The following DSE variants were observed in gnomAD, a reference collection of about 807,000 sequenced individuals.
DSE encodes dermatan sulfate epimerase.
In DSE, 36 loss-of-function variants were observed where a neutral mutation model predicts 84.4. That is an observed-to-expected ratio of 0.43 (90% CI 0.33 to 0.56). DSE has a LOEUF of 0.56. Among genes scored for constraint, DSE ranks in the 20% least tolerant of loss-of-function variants. The probability of loss-of-function intolerance (pLI) is 0.06; values close to 1 mark genes in which losing one functional copy is unlikely to be tolerated. For missense variants in DSE, 862 were observed against 1,169.6 expected (o/e 0.74, Z 3.84); for synonymous variants, 410 against 430.1 (o/e 0.95, Z 0.58).
chr6:116,298,962 A>G (rs1774830650), intron 2 of DSE, among the ~76,000 whole-genome samples: 1 of 152,166 alleles, frequency 6.6e-6, no homozygotes, highest in African/African-American at 2.4e-5. Context: ...ACCCGTAGGC[A>G]TTGTGTGCAT....
Position 116,442,651 on chromosome 6 carries a change from A to T in DSE, c.*5306A>T, listed in dbSNP as rs761429139. 2.0e-5 allele frequency: 3 copies of T among 152,130 alleles called. No individual in the cohort carries two copies. Among genetic ancestry groups the T allele is most frequent in the Admixed American group, 6.6e-5 (1 of 15,264 alleles). The allele number at this position is 152,130 out of a possible 1,614,324, so 9.4% of individuals were successfully genotyped here. A position where few individuals can be genotyped will look rare whatever the true frequency, so the allele number is the denominator to read the frequency against. On this transcript the variant is annotated 3_prime_UTR_variant, in exon 6 of 6. Coordinates refer to ENST00000644252, the MANE Select transcript of DSE (RefSeq NM_013352.4). ...GTGATGGAGAATGGGTGAAGATGAA[A>T]CTGAAAAGGCAAGCAGGGAGGCTAT... is the stretch of plus-strand genomic sequence containing the variant.
In DSE at chr6:116,371,058, C is replaced by T. The variant is rs1051416855; in HGVS notation, c.-117C>T. The T allele has an allele frequency of 1.6e-5, 16 of 985,878 alleles. No homozygotes were observed. Among genetic ancestry groups the T allele is most frequent in the African/African-American group, 1.7e-5 (1 of 57,202 alleles). The allele number at this position is 985,878 out of a possible 1,614,324, so 61.1% of individuals were successfully genotyped here. On this transcript the variant is annotated 5_prime_UTR_variant, in exon 1 of 6. Transcript: ENST00000644252. ...CCCGGGCGCCCTGGAGTGAGGAGGACCGGGAGCTGGCTCTGGAGGCTGCGG... is the reference window on the plus strand; with the variant it reads ...CCCGGGCGCCCTGGAGTGAGGAGGATCGGGAGCTGGCTCTGGAGGCTGCGG...
At chr6:116,352,239 A>G (rs1242091389) in intron 2 of DSE, among the ~76,000 whole-genome samples, 1 of 152,220 alleles carries the variant, frequency 6.6e-6, no homozygotes, top group Non-Finnish European at 1.5e-5. Context: ...TGTGTGAGCT[A>G]GTCAACTATT....
intron 2 of DSE, among the ~76,000 whole-genome samples, chr6:116,269,845 C>A (rs57785660): frequency 0.013 from 1,924 of 152,162 alleles, 46 homozygotes; most frequent in African/African-American, 0.044. Flanking sequence ...GTATTTCAAA[C>A]CAAGTTTGAC....
chr6:116,288,112 A>G (rs1774043444), intron 2 of DSE: 1 of 152,094 alleles, frequency 6.6e-6, no homozygotes, highest in Non-Finnish European at 1.5e-5. Flanking sequence ...CAAAGTCCCT[A>G]CGCAGTCATG....
chr6:116,278,370 G>C (rs544799930), intron 2 of DSE: 1 of 995,324 alleles, frequency 1.0e-6, no homozygotes, highest in Non-Finnish European at 1.5e-6. Flanking sequence ...TTGAGGTTGA[G>C]AGAACTGAAT....
chr6:116,410,088 G>T (rs542969280), intron 2 of DSE, among the ~76,000 whole-genome samples: 1 of 152,156 alleles, frequency 6.6e-6, no homozygotes, highest in African/African-American at 2.4e-5. Flanking sequence ...GCCACTGAAA[G>T]GTGTAACAGG....
chr6:116,424,005 A>G (rs984771757), intron 2 of DSE, among the ~76,000 whole-genome samples: 1 of 152,224 alleles, frequency 6.6e-6, no homozygotes, highest in Non-Finnish European at 1.5e-5. Flanking sequence ...ATTATATCAA[A>G]TGTTCTGGTT....
At chr6:116,356,458 C>T (rs1778575445) in intron 2 of DSE, among the ~76,000 whole-genome samples, 1 of 152,136 alleles carries the variant, frequency 6.6e-6, no homozygotes, top group Non-Finnish European at 1.5e-5. Flanking sequence ...TATTATAAGA[C>T]CTAATTTCAT....
chr6:116,435,715 C>A lies in DSE; in HGVS notation c.1247C>A (p.Ser416Tyr), dbSNP rs201214344. 1 of 1,614,112 alleles carries A rather than the reference C, an allele frequency of 6.2e-7. No homozygotes were observed. Among genetic ancestry groups the A allele is most frequent in the Admixed American group, 1.7e-5 (1 of 60,008 alleles). The stretch of plus-strand genomic sequence containing the variant: ...GCAGAAATCAATAGATCTTTCCTTT[C>A]CTTCAAGTCTGGAAAACTGGGGGGA... ...LPAEINRSFLSFKSGKLGGRA... is the reference protein window; with the variant it reads ...LPAEINRSFLYFKSGKLGGRA... The change falls in exon 6 of 6, where the codon TCC becomes TAC. Residue 416 changes from serine (S) to tyrosine (Y), a missense_variant. Coordinates refer to ENST00000644252, the MANE Select transcript of DSE (RefSeq NM_013352.4).
chr6:116,394,771 A>C (rs75568199), intron 1 of DSE, among the ~76,000 whole-genome samples: 1,826 of 152,326 alleles, frequency 0.012, 34 homozygotes, highest in African/African-American at 0.036. Context: ...AAAGTGGATC[A>C]TGAAAGTTGT....
chr6:116,339,721 G>A (rs1037240298), intron 2 of DSE, among the ~76,000 whole-genome samples: 4 of 152,190 alleles, frequency 2.6e-5, no homozygotes, highest in Admixed American at 6.5e-5. Flanking sequence ...TGAGTTTATA[G>A]TTGAGGAAGA....
chr6:116,392,408 G>A (rs983966312), intron 1 of DSE, among the ~76,000 whole-genome samples: 2 of 152,128 alleles, frequency 1.3e-5, no homozygotes, highest in African/African-American at 4.8e-5. Context: ...ATCTTGCCAT[G>A]GATATGGGCA....
intron 2 of DSE, among the ~76,000 whole-genome samples, chr6:116,424,490 A>G (rs1421868117): frequency 2.0e-5 from 3 of 152,236 alleles, no homozygotes; most frequent in Non-Finnish European, 4.4e-5. Flanking sequence ...TCCTGATTCC[A>G]TAATGATCAC....
At chr6:116,339,927 T>G (rs1298901946) in intron 2 of DSE, among the ~76,000 whole-genome samples, 1 of 152,246 alleles carries the variant, frequency 6.6e-6, no homozygotes, top group Admixed American at 6.5e-5. Flanking sequence ...TCTTTACTGA[T>G]GGACTATGAA....
rs1781474400 is a variant in DSE at position 116,399,610 on chromosome 6, T to C, written c.360T>C (p.Ile120=). The change falls in exon 2 of 6, where the codon ATT becomes ATC. Residue 120 remains isoleucine (I), a synonymous_variant. Transcript: ENST00000644252. ...AMFCVLYPEN[I]EARDMAKDYM... The stretch of plus-strand genomic sequence containing the variant: ...TCTGTGTGCTGTATCCTGAGAACAT[T>C]GAAGCCCGAGACATGGCCAAAGACT... 6.2e-7 allele frequency: 1 copy of C among 1,614,104 alleles called. No homozygotes were observed. The highest frequency in any genetic ancestry group is 1.3e-5 in the African/African-American group (1 of 74,946).
At chr6:116,292,141 C>T (rs1774321597) in intron 2 of DSE, among the ~76,000 whole-genome samples, 2 of 151,842 alleles carry the variant, frequency 1.3e-5, no homozygotes, top group South Asian at 2.1e-4. Context: ...TCAGAGTGGA[C>T]GAGAACACCA....
chr6:116,417,984 G>A (rs764647370), intron 2 of DSE, among the ~76,000 whole-genome samples: 25 of 152,104 alleles, frequency 1.6e-4, no homozygotes, highest in Non-Finnish European at 3.1e-4. Flanking sequence ...AGGTGAATAG[G>A]CATTTTAAAG....
At chr6:116,267,421 T>C (rs185479870) in intron 2 of DSE, among the ~76,000 whole-genome samples, 5 of 151,602 alleles carry the variant, frequency 3.3e-5, no homozygotes, top group Admixed American at 3.3e-4. Flanking sequence ...TCTTCATTTT[T>C]AACAAAAAAG....
Sources: allele counts gnomAD v4.1 joint callset (sites outside exome capture counted in the v4.1 genomes callset), GRCh38; gene constraint gnomAD v4.1.1; transcripts MANE v1.5; gene names NCBI Gene and HGNC (gene_info 2026-07-23, HGNC 2026-07-21).